Variants in IRF4 observed in about 807,000 individuals in gnomAD.
IRF4 encodes the protein interferon regulatory factor 4, also known as lymphocyte-specific interferon regulatory factor.
IRF4 carries 13 observed loss-of-function variants against 55.5 expected under a neutral mutation model. That is an observed-to-expected ratio of 0.23 (90% confidence interval 0.15 to 0.37). The LOEUF (loss-of-function observed/expected upper bound fraction) is 0.37, where lower values mean the gene tolerates loss of function less well. IRF4 is among the 10% of genes least tolerant of loss of function. The pLI is 1.00. For synonymous variants in IRF4, 249 were observed against 240.7 expected (o/e 1.03, Z -0.32); for missense variants, 397 against 593.8 (o/e 0.67, Z 3.44).
chr6:404,480 G>A (rs963347791), intron 7 of IRF4, among the ~76,000 whole-genome samples: 1 of 152,236 alleles, frequency 6.6e-6, no homozygotes, highest in African/African-American at 2.4e-5. Flanking sequence ...CCGATGGCTG[G>A]TGCTCAGTCA....
In IRF4 at chr6:393,402, G is replaced by A. The variant is rs763756874; in HGVS notation, c.216+34G>A. ...CCTCGGGAGCCGGCGGGGGCGCGCCGGGGAGGGCCCAGAGACAGAGCCCGG... is the reference window on the plus strand; with the variant it reads ...CCTCGGGAGCCGGCGGGGGCGCGCCAGGGAGGGCCCAGAGACAGAGCCCGG... On this transcript the variant is annotated intron_variant, in intron 2 of 8. Coordinates refer to ENST00000380956, the MANE Select transcript of IRF4 (RefSeq NM_002460.4). This position sits in a 1 kb window ranked among gnomAD's most constrained non-coding sequence, Gnocchi z 5.4. The A allele has an allele frequency of 6.7e-7, 1 of 1,499,308 alleles. No individual in the cohort carries two copies. Among genetic ancestry groups the A allele is most frequent in the East Asian group, 2.5e-5 (1 of 40,448 alleles). 92.9% of individuals were successfully genotyped at this position (1,499,308 alleles called of 1,614,324 possible). A position where few individuals can be genotyped will look rare whatever the true frequency, so the allele number is the denominator to read the frequency against.
rs1038738037 is a variant in IRF4 at position 393,595 on chromosome 6, G to A, written c.216+227G>A. Among the ~76,000 whole-genome samples, 1 of 152,112 alleles carries A rather than the reference G, an allele frequency of 6.6e-6. No individual in the cohort carries two copies. Among genetic ancestry groups the A allele is most frequent in the Non-Finnish European group, 1.5e-5 (1 of 68,004 alleles). ...GCCGGGTCCTGGGCGCGTGGAGGCT[G>A]CAGGGAAACCGCTGAAGGCCCGGCC... is the stretch of plus-strand genomic sequence containing the variant. On this transcript the variant is annotated intron_variant, in intron 2 of 8. Transcript: ENST00000380956. This position sits in a 1 kb window ranked among gnomAD's most constrained non-coding sequence, Gnocchi z 5.4.
chr6:402,020 C>T (rs1761416194), intron 7 of IRF4, among the ~76,000 whole-genome samples: 1 of 152,212 alleles, frequency 6.6e-6, no homozygotes, highest in Non-Finnish European at 1.5e-5. Flanking sequence ...TTCTGGTTTT[C>T]AGCAGTCGCC....
At chr6:395,474 C>T (rs1344290591) in intron 3 of IRF4, among the ~76,000 whole-genome samples, 1 of 152,054 alleles carries the variant, frequency 6.6e-6, no homozygotes, top group Non-Finnish European at 1.5e-5. Flanking sequence ...ATTCCTGGAC[C>T]CCTCTTTTCA....
intron 2 of IRF4, among the ~76,000 whole-genome samples, chr6:394,259 G>GC (rs1761198467): frequency 6.6e-6 from 1 of 152,304 alleles, no homozygotes; most frequent in Admixed American, 6.5e-5. Context: ...GGTGGGTAGA[G>GC]CCCCCTCAAG....
At position 393,425 on chromosome 6, in the gene IRF4, C is replaced by T; in HGVS notation, c.216+57C>T. On this transcript the variant is annotated intron_variant, in intron 2 of 8. Transcript: ENST00000380956. This position sits in a 1 kb window ranked among gnomAD's most constrained non-coding sequence, Gnocchi z 5.4. ...CCGGGGAGGGCCCAGAGACAGAGCC[C>T]GGGGTCCCCGGCGCCGCCTCCGAGG... 4.8e-6 allele frequency: 2 copies of T among 420,630 alleles called. No homozygotes were observed. Among genetic ancestry groups the T allele is most frequent in the South Asian group, 2.5e-5 (1 of 39,234 alleles). The allele number at this position is 420,630 out of a possible 1,614,324, so 26.1% of individuals were successfully genotyped here. A position where few individuals can be genotyped will look rare whatever the true frequency, so the allele number is the denominator to read the frequency against.
chr6:400,050 G>A (rs796521663), intron 6 of IRF4, among the ~76,000 whole-genome samples: 2 of 152,092 alleles, frequency 1.3e-5, no homozygotes, highest in African/African-American at 2.4e-5. Flanking sequence ...AACCTGCCCC[G>A]AGAATCACCT....
chr6:401,425 C>G lies in IRF4; in HGVS notation c.747C>G (p.Asp249Glu), dbSNP rs758839744. The G allele has an allele frequency of 6.2e-7, 1 of 1,610,374 alleles. No individual in the cohort carries two copies. The highest frequency in any genetic ancestry group is 1.1e-5 in the South Asian group (1 of 90,958). Residue 249 changes from aspartate (D) to glutamate (E), a missense_variant and splice_region_variant, in exon 7 of 9, where the codon GAC becomes GAG. Physicochemically the swap from Asp to Glu is conservative, Grantham distance 45. This residue lies in a region of IRF4 where 341 missense variants were observed against 548.1 expected (regional missense o/e 0.62). Transcript: ENST00000380956. ...GACTCCGGAGCTCTGTGTTTGCAGA[C>G]TGCCGGCTGCACATCTGCCTGTACT... ...IRSAEALAFS[D>E]CRLHICLYYR... is the part of the protein sequence containing the mutation.
rs1015907598 is a variant in IRF4 at position 393,757 on chromosome 6, C to T, written c.216+389C>T. Among the ~76,000 whole-genome samples the T allele has an allele frequency of 4.6e-5, 7 of 152,332 alleles. No homozygotes were observed. In the East Asian group the frequency reaches 1.3e-3, roughly 29 times the overall value. ...GTCCGTGGGTCCCCCTCGCCCTCTCCGTGCGTCCGCGCCTGTGCCGGCGGC... is the reference window on the plus strand; with the variant it reads ...GTCCGTGGGTCCCCCTCGCCCTCTCTGTGCGTCCGCGCCTGTGCCGGCGGC... On this transcript the variant is annotated intron_variant, in intron 2 of 8. Coordinates refer to ENST00000380956, the MANE Select transcript of IRF4 (RefSeq NM_002460.4). The surrounding 1 kb of genome is among the most constrained non-coding windows in gnomAD (Gnocchi z 5.4).
intron 4 of IRF4, among the ~76,000 whole-genome samples, chr6:396,795 A>C (rs1620278): frequency 1.2e-4 from 6 of 51,830 alleles, no homozygotes; most frequent in Non-Finnish European, 6.1e-5. Context: ...CACTCCTTTA[A>C]CCCCGTCTCG....
chr6:409,872 ACTT>A lies in IRF4; in HGVS notation c.*2284_*2286del, dbSNP rs972086690. The A allele has an allele frequency of 1.0e-4, 23 of 229,268 alleles. 1 individual carries two copies. The highest frequency in any genetic ancestry group is 2.0e-4 in the African/African-American group (9 of 45,172). 14.2% of individuals were successfully genotyped at this position (229,268 alleles called of 1,614,324 possible). A position where few individuals can be genotyped will look rare whatever the true frequency, so the allele number is the denominator to read the frequency against. ...GATGCTCCATTTCAATTGCTTTGTG[ACTT>A]CTTCTTCTTTGTTTTTTTAAATATT... On this transcript the variant is annotated 3_prime_UTR_variant, in exon 9 of 9. Coordinates refer to ENST00000380956, the MANE Select transcript of IRF4 (RefSeq NM_002460.4).
chr6:405,708 A>G (rs1190237090), intron 8 of IRF4, among the ~76,000 whole-genome samples: 1 of 152,192 alleles, frequency 6.6e-6, no homozygotes, highest in Non-Finnish European at 1.5e-5. Context: ...CCCTCTCGTA[A>G]TGTTCTCTAG....
At chr6:391,905 G>T (rs779375528) in intron 1 of IRF4, 96 bp downstream of exon 1, 3 of 448,852 alleles carry the variant, frequency 6.7e-6, no homozygotes, top group Non-Finnish European at 9.0e-6. Flanking sequence ...GGCAGCGCAG[G>T]GTACCCCGGC....
intron 8 of IRF4, among the ~76,000 whole-genome samples, chr6:406,484 G>A (rs1288705008): frequency 6.6e-6 from 1 of 152,136 alleles, no homozygotes; most frequent in African/African-American, 2.4e-5. Flanking sequence ...AGAGCTTGCA[G>A]TGAGCCGAGA....
At position 405,085 on chromosome 6, in the gene IRF4, G is replaced by A. The variant is rs138866854; in HGVS notation, c.1167G>A (p.Glu389=). ...TCCAGGTGACTCTATGCTTTGGAGAGGAGTTTCCAGACCCTCAGAGGCAAA... is the reference window on the plus strand; with the variant it reads ...TCCAGGTGACTCTATGCTTTGGAGAAGAGTTTCCAGACCCTCAGAGGCAAA... ...PRFQVTLCFG[E]EFPDPQRQRK... The change falls in exon 8 of 9, where the codon GAG becomes GAA. Residue 389 remains glutamate, a synonymous_variant. Transcript: ENST00000380956. 3.4e-5 allele frequency: 55 copies of A among 1,613,902 alleles called. No homozygotes were observed. The highest frequency in any genetic ancestry group is 1.6e-4 in the Middle Eastern group (1 of 6,082).
rs759982164 is a variant in IRF4, at chr6:407,802, C to T, written c.*204C>T. 13 of 530,482 alleles carry T rather than the reference C, an allele frequency of 2.5e-5. No homozygotes were observed. The highest frequency in any genetic ancestry group is 7.9e-5 in the South Asian group (3 of 37,760). The allele number at this position is 530,482 out of a possible 1,614,324, so 32.9% of individuals were successfully genotyped here. On this transcript the variant is annotated 3_prime_UTR_variant, in exon 9 of 9. Coordinates refer to ENST00000380956, the MANE Select transcript of IRF4 (RefSeq NM_002460.4). The stretch of plus-strand genomic sequence containing the variant: ...TACAGGTGTGAGCCACTGCACCCAC[C>T]CAAGACAAGTGATTTTCATTGTAAA...
At chr6:397,314 G>A in intron 5 of IRF4, 62 bp downstream of exon 5, 7 of 1,577,902 alleles carry the variant, frequency 4.4e-6, no homozygotes, top group Non-Finnish European at 6.1e-6. Context: ...ATGGGCCATG[G>A]CGAATCCTGG....
intron 8 of IRF4, among the ~76,000 whole-genome samples, chr6:405,338 A>C (rs1761517958): frequency 6.6e-6 from 1 of 152,234 alleles, no homozygotes; most frequent in South Asian, 2.1e-4. Context: ...AGATCTGCTC[A>C]TCAAAGAACC....
At chr6:398,183 G>T (rs1013695287) in intron 5 of IRF4, among the ~76,000 whole-genome samples, 2 of 152,228 alleles carry the variant, frequency 1.3e-5, no homozygotes, top group African/African-American at 2.4e-5. Flanking sequence ...ATTCAGACTT[G>T]CGTTTACTGC....
Sources: gnomAD v4.1 joint callset for allele counts (sites outside exome capture counted in the v4.1 genomes callset) on GRCh38, gnomAD v4.1.1 for gene constraint, gnomAD v4.1.1 regional missense constraint, Gnocchi (gnomAD v3.1) non-coding constraint, MANE v1.5 for transcripts, NCBI Gene and HGNC (gene_info 2026-07-23, HGNC 2026-07-21) for gene names.